Variants in GLT8D2 observed in about 807,000 individuals in gnomAD.
GLT8D2 encodes glycosyltransferase 8 domain-containing protein 2.
GLT8D2 carries 45 observed loss-of-function variants against 44.5 expected under a neutral mutation model. The ratio of observed to expected loss-of-function variants is 1.01; its 90% CI spans 0.80 to 1.30. The LOEUF is 1.30. GLT8D2 is among the 50% of genes most tolerant of loss of function. The pLI is 0.00. For missense variants in GLT8D2, 400 were observed against 430.4 expected, an observed-to-expected ratio of 0.93 and a Z score of 0.62; for synonymous variants, 156 against 157.2, an observed-to-expected ratio of 0.99 and a Z score of 0.06.
At chr12:104,041,990 G>C (rs1054126690) in intron 1 of GLT8D2, among the ~76,000 whole-genome samples, 2 of 152,214 alleles carry the variant, frequency 1.3e-5, no homozygotes, top group Non-Finnish European at 2.9e-5. Flanking sequence ...CGGGTACTAC[G>C]TTAATCATTT....
intron 1 of GLT8D2, chr12:104,031,263 G>A: frequency 1.3e-6 from 2 of 1,593,050 alleles, no homozygotes; most frequent in Non-Finnish European, 1.7e-6. Context: ...ACTATTGCCA[G>A]AGCTCTGCCC....
chr12:104,055,029 G>A (rs1430053222), upstream of GLT8D2, among the ~76,000 whole-genome samples: 1 of 152,194 alleles, frequency 6.6e-6, no homozygotes, highest in Non-Finnish European at 1.5e-5. Context: ...GCAGTACCCT[G>A]GGGCTAGCAA....
At chr12:104,016,913 A>G (rs541113402) in intron 3 of GLT8D2, among the ~76,000 whole-genome samples, 1 of 152,272 alleles carries the variant, frequency 6.6e-6, no homozygotes, top group African/African-American at 2.4e-5. Flanking sequence ...AGAAAGGAAG[A>G]AAGAAAGAAA....
chr12:104,021,933 GA>G (rs1566202412), intron 1 of GLT8D2, among the ~76,000 whole-genome samples: 1,259 of 24,778 alleles, frequency 0.051, 101 homozygotes, highest in East Asian at 0.23. Flanking sequence ...AGAAGAAGAA[GA>G]AGAAGAAGAA....
At chr12:104,003,349 C>G (rs1426833078) in intron 4 of GLT8D2, 43 bp from the exon 5 acceptor site, 5 of 1,570,382 alleles carry the variant, frequency 3.2e-6, no homozygotes, top group Non-Finnish European at 4.4e-6. Flanking sequence ...GAAAGAATTT[C>G]ACAGTAGAGC....
chr12:104,030,157 A>T (rs1879076262), intron 1 of GLT8D2, among the ~76,000 whole-genome samples: 1 of 152,186 alleles, frequency 6.6e-6, no homozygotes, highest in Non-Finnish European at 1.5e-5. Context: ...GATCAATGGA[A>T]CATAGACCAA....
intron 4 of GLT8D2, among the ~76,000 whole-genome samples, chr12:104,009,729 G>A (rs558825323): frequency 3.3e-5 from 5 of 152,360 alleles, no homozygotes; most frequent in South Asian, 2.1e-4. Context: ...GAGGGACCCA[G>A]TGGGAGATGA....
At chr12:104,063,603 T>C (rs571099200) in intron 1 of GLT8D2, among the ~76,000 whole-genome samples, 2 of 152,126 alleles carry the variant, frequency 1.3e-5, no homozygotes, top group African/African-American at 2.4e-5. Context: ...GGTATAATGG[T>C]TGGATATGAC....
At chr12:103,994,161 T>C (rs1873122205) in intron 9 of GLT8D2, 174 bp downstream of exon 9, 1 of 494,562 alleles carries the variant, frequency 2.0e-6, no homozygotes, top group African/African-American at 2.0e-5. Flanking sequence ...ATTTATATCT[T>C]TTGAGGAAAG....
chr12:104,001,942 A>G (rs1316781355), intron 5 of GLT8D2, among the ~76,000 whole-genome samples: 1 of 152,076 alleles, frequency 6.6e-6, no homozygotes, highest in African/African-American at 2.4e-5. Flanking sequence ...GACTTCAGGT[A>G]GGATTACAGG....
chr12:104,035,010 T>C (rs1879770236), intron 1 of GLT8D2, among the ~76,000 whole-genome samples: 1 of 152,234 alleles, frequency 6.6e-6, no homozygotes, highest in African/African-American at 2.4e-5. Flanking sequence ...CCGCTGGTGA[T>C]ACCGAGGCAA....
At chr12:104,027,767 T>C (rs1483842119) in intron 1 of GLT8D2, among the ~76,000 whole-genome samples, 1 of 152,232 alleles carries the variant, frequency 6.6e-6, no homozygotes, top group Non-Finnish European at 1.5e-5. Flanking sequence ...GTTCAGTAAC[T>C]TGCTCAAAAT....
At chr12:103,994,635 T>C in intron 8 of GLT8D2, 134 bp from the exon 9 acceptor site, 1 of 701,412 alleles carries the variant, frequency 1.4e-6, no homozygotes, top group Non-Finnish European at 2.3e-6. Context: ...AGTTTGTTGT[T>C]TTTGTTTTGT....
chr12:104,039,804 C>G (rs1254907131), intron 1 of GLT8D2, among the ~76,000 whole-genome samples: 2 of 152,072 alleles, frequency 1.3e-5, no homozygotes, highest in Admixed American at 6.6e-5. Flanking sequence ...GGGTATATAC[C>G]CAAAGGATTA....
chr12:104,060,511 T>TG (rs369082762), intron 1 of GLT8D2, among the ~76,000 whole-genome samples: 1 of 152,202 alleles, frequency 6.6e-6, no homozygotes, highest in African/African-American at 2.4e-5. Flanking sequence ...GCTGAAGCCT[T>TG]AACCCGCTGT....
chr12:104,031,578 C>A (rs1227734569), intron 1 of GLT8D2: 38 of 1,609,912 alleles, frequency 2.4e-5, no homozygotes, highest in Non-Finnish European at 3.1e-5. Context: ...CCAGGAGCAC[C>A]CTCCCTGCCC....
chr12:104,021,726 C>T lies in GLT8D2; in HGVS notation c.-163-235G>A, dbSNP rs189459997. Among the ~76,000 whole-genome samples, 44 of 151,216 alleles carry T rather than the reference C, an allele frequency of 2.9e-4. No homozygotes were observed. In the East Asian group the frequency reaches 8.0e-3, roughly 27 times the overall value. On this transcript the variant is annotated intron_variant, in intron 1 of 10. Transcript: ENST00000360814. ...ATCACTTGAGCCCAGGAGGTTGAGG[C>T]TGCAGTGAGCCATGGCTGCTGCACT...
chr12:104,021,769 CA>C (rs1877672888), intron 1 of GLT8D2, among the ~76,000 whole-genome samples: 1 of 145,526 alleles, frequency 6.9e-6, no homozygotes, highest in Admixed American at 7.1e-5. Flanking sequence ...GGAGACAGAG[CA>C]AAACCCTGTT....
chr12:104,006,127 G>T (rs145954118), intron 4 of GLT8D2, among the ~76,000 whole-genome samples: 1 of 150,852 alleles, frequency 6.6e-6, no homozygotes, highest in African/African-American at 2.4e-5. Context: ...GCAAACTATC[G>T]CAGGGATAAA....
Sources: gnomAD v4.1 joint callset for allele counts (sites outside exome capture counted in the v4.1 genomes callset) on GRCh38, gnomAD v4.1.1 for gene constraint, MANE v1.5 for transcripts, NCBI Gene and HGNC (gene_info 2026-07-23, HGNC 2026-07-21) for gene names.